The following RNF17 variants were observed in gnomAD, a reference collection of about 807,000 sequenced individuals.
RNF17 encodes the protein spermatogenesis associated 23.
In RNF17, 31 loss-of-function variants were observed where a neutral mutation model predicts 200.5. The observed-to-expected ratio is 0.15, with a 90% CI of 0.12 to 0.21. The LOEUF is 0.21. Among genes scored for constraint, RNF17 ranks in the 10% least tolerant of loss-of-function variants. RNF17 has a pLI of 1.00. For synonymous variants in RNF17, 606 were observed against 637.8 expected, an observed-to-expected ratio of 0.95 and a Z score of 0.75; for missense variants, 1,628 against 1,905.1, an observed-to-expected ratio of 0.85 and a Z score of 2.71.
chr13:24,775,274 G>T (rs909930958), intron 3 of RNF17, among the ~76,000 whole-genome samples: 1 of 152,018 alleles, frequency 6.6e-6, no homozygotes, highest in East Asian at 1.9e-4. Flanking sequence ...TTAAAGACAG[G>T]GTCTCACTCT....
In RNF17 at chr13:24,788,295, A is replaced by G. The variant is rs935037369; in HGVS notation, c.783+136A>G. 15 of 589,330 alleles carry G rather than the reference A, an allele frequency of 2.5e-5. No homozygotes were observed. The African/African-American group carries it at 2.5e-4, about 10-fold the overall frequency. The allele number at this position is 589,330 out of a possible 1,614,324, so 36.5% of individuals were successfully genotyped here. ...TATTTAGAATTCTAAATTGATGACA[A>G]TATAGGTTAGGATAGTCTAAGTTAT... On this transcript the variant is annotated intron_variant, in intron 7 of 35. Coordinates refer to ENST00000255324, the MANE Select transcript of RNF17 (RefSeq NM_031277.3).
intron 11 of RNF17, among the ~76,000 whole-genome samples, chr13:24,797,118 A>G (rs1163042939): frequency 6.6e-6 from 1 of 152,206 alleles, no homozygotes; most frequent in Non-Finnish European, 1.5e-5. Flanking sequence ...GGTTGTTAGT[A>G]TCTAAGAGGA....
chr13:24,829,302 A>C (rs1326433942), intron 16 of RNF17, among the ~76,000 whole-genome samples: 1 of 152,172 alleles, frequency 6.6e-6, no homozygotes, highest in African/African-American at 2.4e-5. Context: ...TAAATGGGGA[A>C]ATTTGAGACC....
At chr13:24,834,744 G>A (rs1889782402) in intron 18 of RNF17, among the ~76,000 whole-genome samples, 1 of 152,170 alleles carries the variant, frequency 6.6e-6, no homozygotes, top group Non-Finnish European at 1.5e-5. Flanking sequence ...AGTGGGAGAG[G>A]AGCAGGATGT....
intron 15 of RNF17, among the ~76,000 whole-genome samples, chr13:24,815,428 GGTGTGTGTGTGTGTGTGTGTGTGT>G (rs60054136): frequency 0.017 from 2,384 of 144,194 alleles, 71 homozygotes; most frequent in African/African-American, 0.058. Context: ...GCCCTAACGG[GGTGTGTGTGTGTGTGTGTGTGTGT>G]GTGTGTGTGT....
chr13:24,821,962 A>G (rs1888109741), intron 15 of RNF17, among the ~76,000 whole-genome samples: 1 of 152,212 alleles, frequency 6.6e-6, no homozygotes. Context: ...TGCAGAAGAA[A>G]GAGAAAGGAG....
At chr13:24,749,605 A>G in the RNF17 span, among the ~76,000 whole-genome samples, 1 of 152,240 alleles carries the variant, frequency 6.6e-6, no homozygotes, top group East Asian at 1.9e-4. Flanking sequence ...TTCAAAAGGA[A>G]TATGAGATCA....
chr13:24,879,318 G>A, intron 35 of RNF17, 23 bp downstream of exon 35: 1 of 1,416,362 alleles, frequency 7.1e-7, no homozygotes, highest in Non-Finnish European at 1.0e-6. Flanking sequence ...TCTCTTCATA[G>A]CATAAGGCAT....
In RNF17 at chr13:24,878,873, T is replaced by C. The variant is rs550424996; in HGVS notation, c.4774-314T>C. The stretch of plus-strand genomic sequence containing the variant: ...CCAAGTTAACAACTAATATTAACCA[T>C]CACAGTCAGTTTATGCATAAAGGTA... On this transcript the variant is annotated intron_variant, in intron 34 of 35. Transcript: ENST00000255324. Among the ~76,000 whole-genome samples, 7 of 152,248 alleles carry C rather than the reference T, an allele frequency of 4.6e-5. No individual in the cohort carries two copies. The South Asian group carries it at 1.4e-3, about 32-fold the overall frequency.
At chr13:24,882,090 A>G (rs1331349508), downstream of RNF17, among the ~76,000 whole-genome samples, 1 of 9,832 alleles carries the variant, frequency 1.0e-4, no homozygotes, top group Non-Finnish European at 2.7e-4. Context: ...ATACATCTAT[A>G]TATATAGATA....
At chr13:24,882,250 A>G (rs1410021264), downstream of RNF17, 2 of 133,102 alleles carry the variant, frequency 1.5e-5, 1 homozygote, top group Non-Finnish European at 3.4e-5. Flanking sequence ...ATATAGATAC[A>G]TCTATATATA....
Position 24,788,018 on chromosome 13 carries a change from AACT to A in RNF17, c.646_648del (p.Thr216del). 6.4e-7 allele frequency: 1 copy of A among 1,567,910 alleles called. No individual in the cohort carries two copies. The highest frequency in any genetic ancestry group is 8.6e-7 in the Non-Finnish European group (1 of 1,164,332). On this transcript the variant is annotated inframe_deletion, in exon 7 of 36. Transcript: ENST00000255324. ...AGAACCTGTGTGAAGAATTTGCAAG[AACT>A]ACTGATGATTATCTATCAAATTTAA...
upstream of RNF17, among the ~76,000 whole-genome samples, chr13:24,761,957 A>G (rs1878780537): frequency 6.6e-6 from 1 of 152,222 alleles, no homozygotes. Flanking sequence ...TATTCAAATT[A>G]CAGTACAGCT....
chr13:24,783,003 T>C (rs1882633278), intron 6 of RNF17, among the ~76,000 whole-genome samples: 1 of 152,198 alleles, frequency 6.6e-6, no homozygotes, highest in Admixed American at 6.5e-5. Context: ...CTTTTCCCTG[T>C]GTTTTCTTTT....
intron 2 of RNF17, among the ~76,000 whole-genome samples, chr13:24,767,796 T>C (rs1406678333): frequency 6.6e-6 from 1 of 152,040 alleles, no homozygotes; most frequent in Non-Finnish European, 1.5e-5. Context: ...GCTGAATCTT[T>C]AAGCAAAGAA....
chr13:24,868,635 A>C lies in RNF17; in HGVS notation c.4197A>C (p.Leu1399Phe). Residue 1399 changes from leucine (L) to phenylalanine (F), a missense_variant, in exon 31 of 36, where the codon TTA (leucine) becomes TTC (phenylalanine). By Grantham distance (22) the Leu-to-Phe change is conservative (BLOSUM62 0). Coordinates refer to ENST00000255324, the MANE Select transcript of RNF17 (RefSeq NM_031277.3). ...CGGCTGAAACAGACACTCCTCTTTT[A>C]CCACCATATTTGTCTTCATCTCTGC... is the stretch of plus-strand genomic sequence containing the variant. ...LLSAETDTPL[L>F]PPYLSSSLPS... 1 of 1,610,456 alleles carries C rather than the reference A, an allele frequency of 6.2e-7. No homozygotes were observed. Among genetic ancestry groups the C allele is most frequent in the Non-Finnish European group, 8.5e-7 (1 of 1,176,816 alleles).
At chr13:24,753,660 G>T in the RNF17 span, among the ~76,000 whole-genome samples, 2 of 152,196 alleles carry the variant, frequency 1.3e-5, no homozygotes, top group Admixed American at 6.5e-5. Flanking sequence ...TGGAGCAAAA[G>T]GTTGTGGATT....
intron 33 of RNF17, among the ~76,000 whole-genome samples, chr13:24,876,360 T>A (rs188940913): frequency 6.6e-6 from 1 of 152,238 alleles, no homozygotes; most frequent in Non-Finnish European, 1.5e-5. Context: ...TCCCCGCTTT[T>A]GGGTCTTGTG....
At chr13:24,810,822 T>C (rs1377508561) in intron 15 of RNF17, among the ~76,000 whole-genome samples, 2 of 149,374 alleles carry the variant, frequency 1.3e-5, no homozygotes, top group East Asian at 3.9e-4. Flanking sequence ...CAGGAGCTCT[T>C]TTAGGGCAGG....
Sources: allele counts gnomAD v4.1 joint callset (sites outside exome capture counted in the v4.1 genomes callset), GRCh38; gene constraint gnomAD v4.1.1; transcripts MANE v1.5; gene names NCBI Gene and HGNC (gene_info 2026-07-23, HGNC 2026-07-21).